Variants in TTC27 observed in about 807,000 individuals in gnomAD.
The protein encoded by TTC27 is tetratricopeptide repeat domain 27.
In TTC27, 79 loss-of-function variants were observed where a neutral mutation model predicts 115.9. The observed-to-expected ratio is 0.68, with a 90% CI of 0.57 to 0.82. The LOEUF (loss-of-function observed/expected upper bound fraction) is 0.82, where lower values mean the gene tolerates loss of function less well. Ranked by LOEUF, TTC27 falls within the 40% of genes least tolerant of loss-of-function variation. TTC27 has a pLI of 0.00. For missense variants in TTC27, 1,054 were observed against 993.1 expected (o/e 1.06, Z -0.82); for synonymous variants, 401 against 356.0 (o/e 1.13, Z -1.42).
chr2:32,646,523 C>G (rs962300149), intron 4 of TTC27, among the ~76,000 whole-genome samples: 9 of 147,534 alleles, frequency 6.1e-5, no homozygotes, highest in African/African-American at 2.2e-4. Context: ...GTTACACTGA[C>G]TAGTAGAAAA....
At position 32,713,179 on chromosome 2, in the gene TTC27, C is replaced by A. The variant is rs1667640394; in HGVS notation, c.1233+10259C>A. 2.0e-5 allele frequency among the ~76,000 whole-genome samples: 3 copies of A among 152,104 alleles called. No individual in the cohort carries two copies. In the South Asian group the frequency reaches 6.2e-4, roughly 32 times the overall value. ...ATCTTAGACTTCCCCGTCTCCAGAA[C>A]TATAAGAAATAAAATCTCTGCTCGT... On this transcript the variant is annotated intron_variant, in intron 10 of 19. Transcript: ENST00000317907.
At chr2:32,760,086 A>G (rs1044475071) in intron 13 of TTC27, among the ~76,000 whole-genome samples, 2 of 152,156 alleles carry the variant, frequency 1.3e-5, no homozygotes, top group Non-Finnish European at 2.9e-5. Flanking sequence ...TTTGAACTGG[A>G]TAACTGAGGG....
At position 32,708,301 on chromosome 2, in the gene TTC27, C is replaced by G. The variant is rs868333205; in HGVS notation, c.1233+5381C>G. ...CTTAATAGCGTTTTCTTTTCTCTACCTTGTTTTTTTTTTTTTTTTTTTTTT... is the reference window on the plus strand; with the variant it reads ...CTTAATAGCGTTTTCTTTTCTCTACGTTGTTTTTTTTTTTTTTTTTTTTTT... On this transcript the variant is annotated intron_variant, in intron 10 of 19. Coordinates refer to ENST00000317907, the MANE Select transcript of TTC27 (RefSeq NM_017735.5). 3.2e-4 allele frequency among the ~76,000 whole-genome samples: 26 copies of G among 80,310 alleles called. 1 individual carries two copies. The highest frequency in any genetic ancestry group is 1.4e-3 in the African/African-American group (26 of 18,708). 52.7% of individuals were successfully genotyped at this position (80,310 alleles called of 152,430 possible). A position where few individuals can be genotyped will look rare whatever the true frequency, so the allele number is the denominator to read the frequency against.
At chr2:32,764,978 C>G (rs1377276459) in intron 13 of TTC27, among the ~76,000 whole-genome samples, 1 of 152,198 alleles carries the variant, frequency 6.6e-6, no homozygotes, top group Non-Finnish European at 1.5e-5. Flanking sequence ...CCACTGAAAT[C>G]TCGAACGCTT....
intron 11 of TTC27, among the ~76,000 whole-genome samples, chr2:32,735,758 TC>T (rs2151916219): frequency 6.6e-6 from 1 of 152,328 alleles, no homozygotes; most frequent in South Asian, 2.1e-4. Context: ...CAAGATTTAT[TC>T]CAGCTCTCAC....
At chr2:32,815,024 T>C (rs116614861) in intron 18 of TTC27, among the ~76,000 whole-genome samples, 3 of 152,246 alleles carry the variant, frequency 2.0e-5, no homozygotes, top group African/African-American at 7.2e-5. Context: ...GACATAGTAT[T>C]TGAGGCCTCC....
chr2:32,760,138 T>C (rs1166823944), intron 13 of TTC27, among the ~76,000 whole-genome samples: 1 of 152,206 alleles, frequency 6.6e-6, no homozygotes, highest in Non-Finnish European at 1.5e-5. Flanking sequence ...TGCATTTTCT[T>C]ATGCTGGATT....
chr2:32,732,269 G>A (rs1032483583), intron 10 of TTC27, among the ~76,000 whole-genome samples: 2 of 152,140 alleles, frequency 1.3e-5, no homozygotes, highest in Non-Finnish European at 2.9e-5. Flanking sequence ...ATGAAGTGAG[G>A]CCAGAAAGCT....
At position 32,628,148 on chromosome 2, in the gene TTC27, T is replaced by G; in HGVS notation, c.-145T>G. On this transcript the variant is annotated 5_prime_UTR_variant, in exon 1 of 20. It removes an upstream start codon present in the reference 5' UTR. Transcript: ENST00000317907. The stretch of plus-strand genomic sequence containing the variant: ...GCCTCCTTGAGGTAGTATCCGCACA[T>G]GGAATTCTAGGGCCGCAGGTGTATT... The G allele has an allele frequency of 1.4e-6, 1 of 736,984 alleles. No individual in the cohort carries two copies. The highest frequency in any genetic ancestry group is 2.3e-6 in the Non-Finnish European group (1 of 443,106). 45.7% of individuals were successfully genotyped at this position (736,984 alleles called of 1,614,324 possible).
At chr2:32,764,453 A>T (rs1241418281) in intron 13 of TTC27, among the ~76,000 whole-genome samples, 1 of 152,258 alleles carries the variant, frequency 6.6e-6, no homozygotes, top group African/African-American at 2.4e-5. Context: ...TTACCAAAAA[A>T]AAATGCTAAT....
chr2:32,754,197 G>A (rs1669122638), intron 12 of TTC27, among the ~76,000 whole-genome samples: 1 of 150,084 alleles, frequency 6.7e-6, no homozygotes, highest in African/African-American at 2.5e-5. Context: ...CGCAGAGGGG[G>A]ATTTGCCAGG....
At chr2:32,660,085 C>T (rs1444402823) in intron 5 of TTC27, among the ~76,000 whole-genome samples, 5 of 152,168 alleles carry the variant, frequency 3.3e-5, no homozygotes, top group African/African-American at 1.2e-4. Flanking sequence ...CTTGAAGAAT[C>T]GCCACACTGT....
At chr2:32,792,630 A>G (rs1173877637) in intron 16 of TTC27, among the ~76,000 whole-genome samples, 1 of 152,102 alleles carries the variant, frequency 6.6e-6, no homozygotes, top group Non-Finnish European at 1.5e-5. Flanking sequence ...CTCCAAGTGG[A>G]GCAGGGAGCT....
In TTC27 at chr2:32,758,332, C is replaced by T. The variant is rs34188947; in HGVS notation, c.1493C>T (p.Thr498Met). 1.5e-3 allele frequency: 2,489 copies of T among 1,614,040 alleles called. 33 individuals are homozygous for T. The African/African-American group carries it at 0.029, about 19-fold the overall frequency. ...AGACAAGAGCTGGAGAAAAAAGAAA[C>T]GCCTAGTTTATACTGCTTGCTTGGA... Reference protein sequence around the residue: ...ILRQELEKKETPSLYCLLGDV... With the variant: ...ILRQELEKKEMPSLYCLLGDV... The change falls in exon 13 of 20, where the codon ACG becomes ATG. Residue 498 changes from threonine to methionine, a missense_variant. Physicochemically the swap from Thr to Met is moderately conservative, Grantham distance 81 (BLOSUM62 -1). Coordinates refer to ENST00000317907, the MANE Select transcript of TTC27 (RefSeq NM_017735.5).
At position 32,682,844 on chromosome 2, in the gene TTC27, G is replaced by GTTTTTTTT. The variant is rs142030247; in HGVS notation, c.1119+3924_1119+3925insTTTTTTTT. 4.5e-3 allele frequency among the ~76,000 whole-genome samples: 256 copies of GTTTTTTTT among 56,948 alleles called. 55 individuals carry two copies. Among genetic ancestry groups the GTTTTTTTT allele is most frequent in the Middle Eastern group, 0.02 (1 of 50 alleles). 37.4% of individuals were successfully genotyped at this position (56,948 alleles called of 152,430 possible). A position where few individuals can be genotyped will look rare whatever the true frequency, so the allele number is the denominator to read the frequency against. On this transcript the variant is annotated intron_variant, in intron 9 of 19. Coordinates refer to ENST00000317907, the MANE Select transcript of TTC27 (RefSeq NM_017735.5). The stretch of plus-strand genomic sequence containing the variant: ...CCACCACACCCGGATAATTTTTATT[G>GTTTTTTTT]TTGTTTTTTTTTTTTTTTTTTTTTT...
intron 8 of TTC27, among the ~76,000 whole-genome samples, chr2:32,676,887 A>G (rs540188420): frequency 2.0e-5 from 3 of 151,576 alleles, no homozygotes; most frequent in African/African-American, 2.4e-5. Flanking sequence ...CATTCCATAT[A>G]TATATCCACT....
chr2:32,646,583 C>T (rs1335768296), intron 4 of TTC27, among the ~76,000 whole-genome samples: 2 of 136,348 alleles, frequency 1.5e-5, no homozygotes, highest in African/African-American at 5.4e-5. Flanking sequence ...TTTTGGAGAC[C>T]GACTCTCACT....
intron 5 of TTC27, among the ~76,000 whole-genome samples, chr2:32,662,095 C>G (rs1665569477): frequency 6.6e-6 from 1 of 152,172 alleles, no homozygotes. Flanking sequence ...GTTGAACCAG[C>G]CTTGCATCCT....
chr2:32,718,682 G>A (rs565808895), intron 10 of TTC27, among the ~76,000 whole-genome samples: 1 of 152,246 alleles, frequency 6.6e-6, no homozygotes, highest in African/African-American at 2.4e-5. Context: ...CTGTAGCAGT[G>A]TGGGTCTCAT....
Sources: gnomAD v4.1 joint callset for allele counts (sites outside exome capture counted in the v4.1 genomes callset) on GRCh38, gnomAD v4.1.1 for gene constraint, MANE v1.5 for transcripts, NCBI Gene and HGNC (gene_info 2026-07-23, HGNC 2026-07-21) for gene names.